NBPF8: variants seen among roughly 807,000 people sequenced by gnomAD.
NBPF8 encodes NBPF family member NBPF8.
At chr1:120,457,793 G>GAAA (rs1162583698) in intron 16 of NBPF8, among the ~76,000 whole-genome samples, 1 of 35,872 alleles carries the variant, frequency 2.8e-5, no homozygotes, top group Non-Finnish European at 4.9e-5. Flanking sequence ...TATACATATG[G>GAAA]AAAAAAAAAA....
intron 3 of NBPF8, among the ~76,000 whole-genome samples, chr1:120,430,908 G>C (rs1660857899): frequency 1.3e-5 from 2 of 151,770 alleles, no homozygotes; most frequent in African/African-American, 4.8e-5. Flanking sequence ...TGTTTAAAAA[G>C]TCAGTTCTTC....
intron 3 of NBPF8, among the ~76,000 whole-genome samples, chr1:120,430,862 G>C (rs1244856398): frequency 1.3e-5 from 2 of 151,716 alleles, no homozygotes; most frequent in South Asian, 4.2e-4. Flanking sequence ...AAATTAGTGG[G>C]GAGATAAACC....
chr1:120,446,472 GTC>G (rs1157754991), intron 8 of NBPF8, among the ~76,000 whole-genome samples: 1 of 22,310 alleles, frequency 4.5e-5, no homozygotes, highest in Admixed American at 3.9e-4. Context: ...CAGACAAATT[GTC>G]TCTTGCAAGG....
chr1:120,452,192 T>G, exon 13 of NBPF8: 3 of 1,388,592 alleles, frequency 2.2e-6, no homozygotes, highest in South Asian at 1.1e-5. Context: ...AAGGGAGAGA[T>G]GCCTCCCTCT....
At chr1:120,464,405 A>C in exon 23 of NBPF8, 1 of 727,330 alleles carries the variant, frequency 1.4e-6, no homozygotes, top group East Asian at 2.5e-5. Context: ...GAGGTAGTAG[A>C]GCCTGAAGTC....
chr1:120,434,555 G>C (rs1392024005), upstream of NBPF8, among the ~76,000 whole-genome samples: 2 of 150,562 alleles, frequency 1.3e-5, no homozygotes, highest in Non-Finnish European at 1.5e-5. Flanking sequence ...CCCGTCCTGT[G>C]TCCAAGTGTT....
At chr1:120,456,013 C>A (rs1269369771) in intron 16 of NBPF8, among the ~76,000 whole-genome samples, 1 of 151,974 alleles carries the variant, frequency 6.6e-6, no homozygotes, top group African/African-American at 2.4e-5. Context: ...TTTCTGCCTT[C>A]ATTTTGTTAT....
intron 3 of NBPF8, among the ~76,000 whole-genome samples, chr1:120,430,958 T>C (rs1660858835): frequency 6.6e-6 from 1 of 151,428 alleles, no homozygotes. Flanking sequence ...CTAATAAAAA[T>C]TCCAACCGGC....
upstream of NBPF8, among the ~76,000 whole-genome samples, chr1:120,435,730 G>C (rs1661054215): frequency 6.6e-6 from 1 of 151,802 alleles, no homozygotes; most frequent in East Asian, 1.9e-4. Context: ...GCCAGGCGTG[G>C]TGGCGGGCGC....
At chr1:120,468,986 C>A (rs1259195413), downstream of NBPF8, among the ~76,000 whole-genome samples, 18 of 152,030 alleles carry the variant, frequency 1.2e-4, no homozygotes, top group African/African-American at 3.9e-4. Flanking sequence ...TAAGTTGACC[C>A]CTACGGCTCT....
exon 1 of NBPF8, chr1:120,436,530 T>C (rs9441132): frequency 6.6e-7 from 1 of 1,520,752 alleles, no homozygotes; most frequent in South Asian, 1.1e-5. Context: ...AGCATGGTGG[T>C]ATCAGCCGGC....
rs1158282107 is a variant in NBPF8, at chr1:120,428,123, ACG to A, written n.510+277_510+278del. Among the ~76,000 whole-genome samples, 6 of 151,994 alleles carry A rather than the reference ACG, an allele frequency of 3.9e-5. No homozygotes were observed. In the East Asian group the frequency reaches 9.6e-4, roughly 24 times the overall value. ...TGCCTTGTTTCCTTTTTAAGATGAT[ACG>A]GTTTATAATATGCAAATTTGTTGTC... On this transcript the variant is annotated intron_variant and non_coding_transcript_variant, in intron 3 of 28. Coordinates refer to the NBPF8 transcript ENST00000652355.
upstream of NBPF8, among the ~76,000 whole-genome samples, chr1:120,431,847 A>G (rs1553247100): frequency 0.47 from 65,935 of 141,040 alleles, 17,121 homozygotes; most frequent in East Asian, 0.91. Flanking sequence ...GCTATTTCTC[A>G]TGGCTCAGTA....
chr1:120,464,121 CTCTCTCTCTCTCTGTGTGTGTG>C (rs1661666190), intron 22 of NBPF8, among the ~76,000 whole-genome samples: 2 of 38,160 alleles, frequency 5.2e-5, no homozygotes, highest in African/African-American at 2.9e-4. Context: ...CTCGTTCTCT[CTCTCTCTCTCTCTGTGTGTGTG>C]TGTGTGTGTG....
chr1:120,462,582 C>G (rs1435551834), intron 20 of NBPF8, among the ~76,000 whole-genome samples: 6 of 104,068 alleles, frequency 5.8e-5, no homozygotes, highest in Admixed American at 1.0e-4. Context: ...ACTTTCTCCT[C>G]TCTCTCTCTC....
At chr1:120,436,384 C>G (rs1661077029) in exon 1 of NBPF8, 32 of 1,502,434 alleles carry the variant, frequency 2.1e-5, no homozygotes, top group South Asian at 2.1e-4. Context: ...TTTTTCACAA[C>G]AGTAAGGTAA....
At chr1:120,415,204 G>A (rs1660396012), upstream of NBPF8, among the ~76,000 whole-genome samples, 5 of 152,210 alleles carry the variant, frequency 3.3e-5, no homozygotes, top group Non-Finnish European at 1.5e-5. Flanking sequence ...GGAGCGGGCC[G>A]AGGCGCGGCG....
chr1:120,456,345 G>C (rs1188591209), intron 16 of NBPF8, among the ~76,000 whole-genome samples: 1 of 150,002 alleles, frequency 6.7e-6, no homozygotes, highest in Non-Finnish European at 1.5e-5. Context: ...TCATTGATCT[G>C]TCTAATATTG....
At chr1:120,434,491 AT>A (rs1279352696), upstream of NBPF8, among the ~76,000 whole-genome samples, 2 of 147,026 alleles carry the variant, frequency 1.4e-5, no homozygotes, top group African/African-American at 5.0e-5. Context: ...ATTTCTCCTA[AT>A]GCTATCCCTC....
Sources: allele counts gnomAD v4.1 joint callset (sites outside exome capture counted in the v4.1 genomes callset), GRCh38; gene constraint gnomAD v4.1.1; transcripts MANE v1.5; gene names NCBI Gene and HGNC (gene_info 2026-07-23, HGNC 2026-07-21).